PHKA2: variants seen among roughly 807,000 people sequenced by gnomAD.
The protein encoded by PHKA2 is phosphorylase b kinase regulatory subunit alpha, liver isoform.
PHKA2 carries 31 observed loss-of-function variants against 102.0 expected under a neutral mutation model. The observed-to-expected ratio is 0.30, with a 90% CI of 0.23 to 0.41. The LOEUF is 0.41. Ranked by LOEUF, PHKA2 falls within the 10% of genes least tolerant of loss-of-function variation. The pLI is 1.00. For missense variants in PHKA2, 858 were observed against 1,023.1 expected (o/e 0.84, Z 2.20); for synonymous variants, 455 against 416.2 (o/e 1.09, Z -1.13).
chrX:18,966,094 T>G (rs2148019851), intron 1 of PHKA2, among the ~76,000 whole-genome samples: 1 of 101,532 alleles, frequency 9.8e-6, no homozygotes, highest in African/African-American at 3.7e-5. Flanking sequence ...TTTTTTTTGT[T>G]TTTTTTTTTT....
chrX:18,919,747 AG>A (rs1439433771), intron 18 of PHKA2, among the ~76,000 whole-genome samples: 7 of 95,497 alleles, frequency 7.3e-5, no homozygotes, highest in Non-Finnish European at 1.0e-4. Context: ...AAAAAAAAAA[AG>A]AGAGAGAGAG....
At chrX:18,894,840 G>C (rs2047505371) in intron 31 of PHKA2, 4 of 415,081 alleles carry the variant, frequency 9.6e-6, no homozygotes, top group Non-Finnish European at 1.3e-5. Flanking sequence ...GGGCAGGCCA[G>C]GGTGGCATGG....
At chrX:18,949,633 A>G (rs1207206114) in intron 4 of PHKA2, among the ~76,000 whole-genome samples, 1 of 112,475 alleles carries the variant, frequency 8.9e-6, no homozygotes, top group African/African-American at 3.2e-5. Flanking sequence ...AGAGCTTGTT[A>G]TATCACGGGA....
intron 4 of PHKA2, 120 bp downstream of exon 4, chrX:18,950,984 T>C (rs1324755523): frequency 4.3e-6 from 3 of 701,653 alleles, no homozygotes; most frequent in African/African-American, 4.2e-5. Flanking sequence ...TTGTCTGAGG[T>C]ATTTTATTAA....
intron 1 of PHKA2, among the ~76,000 whole-genome samples, chrX:18,961,612 G>A (rs895125858): frequency 2.0e-5 from 2 of 100,825 alleles, no homozygotes; most frequent in African/African-American, 3.7e-5. Context: ...GAGCTGAGAC[G>A]GTGCCACACT....
intron 4 of PHKA2, 41 bp downstream of exon 4, chrX:18,951,063 T>C: frequency 8.4e-7 from 1 of 1,191,993 alleles, no homozygotes; most frequent in Non-Finnish European, 1.1e-6. Context: ...TTTTCCGGAT[T>C]GTCACTCCTT....
At chrX:18,934,023 C>A (rs1465019876) in intron 11 of PHKA2, among the ~76,000 whole-genome samples, 1 of 111,893 alleles carries the variant, frequency 8.9e-6, no homozygotes, top group Admixed American at 9.5e-5. Context: ...AAGTAAAATA[C>A]CCCTGAAGGC....
chrX:18,933,871 TCA>T (rs980312888), intron 11 of PHKA2, among the ~76,000 whole-genome samples: 1 of 111,829 alleles, frequency 8.9e-6, no homozygotes, highest in Non-Finnish European at 1.9e-5. Context: ...AGACAGAAAG[TCA>T]CAGAGTAATT....
chrX:18,981,691 A>T (rs1279700552), intron 1 of PHKA2, among the ~76,000 whole-genome samples: 1 of 111,287 alleles, frequency 9.0e-6, no homozygotes, highest in Non-Finnish European at 1.9e-5. Flanking sequence ...GACCTTCAGG[A>T]AAGGGCGCAC....
At chrX:18,954,020 A>G (rs2048738030) in intron 2 of PHKA2, among the ~76,000 whole-genome samples, 1 of 111,241 alleles carries the variant, frequency 9.0e-6, no homozygotes, top group Non-Finnish European at 1.9e-5. Context: ...TTCATTTTCT[A>G]TTTGGTGTGA....
intron 6 of PHKA2, 44 bp downstream of exon 6, chrX:18,945,034 C>T (rs1411100507): frequency 2.4e-6 from 2 of 817,786 alleles, no homozygotes; most frequent in Admixed American, 4.4e-5. Flanking sequence ...CAAATCAAAG[C>T]AGTAAAAACA....
chrX:18,967,989 T>C (rs2048967823), intron 1 of PHKA2, among the ~76,000 whole-genome samples: 1 of 111,656 alleles, frequency 9.0e-6, no homozygotes, highest in Non-Finnish European at 1.9e-5. Flanking sequence ...ATTTACCATA[T>C]TGGAAATTAA....
intron 1 of PHKA2, among the ~76,000 whole-genome samples, chrX:18,974,649 C>A (rs753009485): frequency 1.8e-5 from 2 of 111,799 alleles, no homozygotes; most frequent in South Asian, 7.5e-4. Context: ...GGGCCCTCCT[C>A]TTGGCTTGCA....
intron 9 of PHKA2, 109 bp from the exon 10 acceptor site, chrX:18,938,858 T>C (rs941314989): frequency 1.1e-5 from 8 of 710,243 alleles, no homozygotes; most frequent in South Asian, 4.7e-5. Context: ...AGCTTTGAAG[T>C]TGGCATGAGT....
At chrX:18,920,799 G>T (rs1034875509) in intron 17 of PHKA2, among the ~76,000 whole-genome samples, 64 of 111,887 alleles carry the variant, frequency 5.7e-4, no homozygotes, top group African/African-American at 2.1e-3. Flanking sequence ...GGCAGCCTGG[G>T]GCCTGAGGTT....
chrX:18,907,514 T>C (rs1412555905), intron 22 of PHKA2, among the ~76,000 whole-genome samples: 1 of 112,123 alleles, frequency 8.9e-6, no homozygotes, highest in Non-Finnish European at 1.9e-5. Flanking sequence ...CATCTTACCA[T>C]CATGACACTG....
rs149176629 is a variant in PHKA2 at position 18,920,162 on chromosome X, C to G, written c.1833G>C (p.Ser611=). Residue 611 remains serine, a synonymous_variant, in exon 18 of 33, where the codon TCG becomes TCC. Coordinates refer to ENST00000379942, the MANE Select transcript of PHKA2 (RefSeq NM_000292.3). ...CCAGAAAAGTCAGATATGTGTAGAA[C>G]GATGTGGTGAGAAATTCCGAAAGGT... ...LGNLSEFLTT[S]FYTYLTFLDP... is the part of the protein sequence containing the mutation. The G allele has an allele frequency of 9.1e-7, 1 of 1,098,617 alleles. No homozygotes were observed. Among genetic ancestry groups the G allele is most frequent in the Non-Finnish European group, 1.3e-6 (1 of 793,580 alleles). The allele number at this position is 1,098,617 out of a possible 1,213,427, so 90.5% of individuals were successfully genotyped here.
Position 18,907,955 on chromosome X carries a change from C to A in PHKA2, c.2462G>T (p.Gly821Val), listed in dbSNP as rs373884791. The change falls in exon 22 of 33, where the codon GGT (glycine) becomes GTT (valine). Residue 821 changes from glycine (G) to valine (V), a missense_variant. By Grantham distance (109) the Gly-to-Val change is moderately radical. Coordinates refer to ENST00000379942, the MANE Select transcript of PHKA2 (RefSeq NM_000292.3). ...YGKAGLNQEWGLIRYISGLLR... is the reference protein window; with the variant it reads ...YGKAGLNQEWVLIRYISGLLR... Reference sequence around the variant, plus strand: ...AAGGCCTGAGATGTAGCGAATCAGACCCCACTCCTGGTTCAAGCCGGCTTT... The same window carrying A: ...AAGGCCTGAGATGTAGCGAATCAGAACCCACTCCTGGTTCAAGCCGGCTTT... 10 of 1,211,321 alleles carry A rather than the reference C, an allele frequency of 8.3e-6. No individual in the cohort carries two copies. Among genetic ancestry groups the A allele is most frequent in the Middle Eastern group, 2.3e-4 (1 of 4,352 alleles).
chrX:18,900,686 A>T lies in PHKA2; in HGVS notation c.3041T>A (p.Phe1014Tyr), dbSNP rs1392946799. The T allele has an allele frequency of 8.3e-7, 1 of 1,207,076 alleles. No individual in the cohort carries two copies. Among genetic ancestry groups the T allele is most frequent in the Non-Finnish European group, 1.1e-6 (1 of 892,758 alleles). Residue 1014 changes from phenylalanine to tyrosine, a missense_variant, in exon 28 of 33, where the codon TTT becomes TAT. Phe to Tyr is a conservative substitution (Grantham distance 22, BLOSUM62 3). Around this residue, in one of 2 missense-constraint regions of PHKA2, gnomAD observed 671 missense variants for 745.2 expected, o/e 0.90. Coordinates refer to ENST00000379942, the MANE Select transcript of PHKA2 (RefSeq NM_000292.3). ...GGGTGTCACCTGTTCATCAGCACTA[A>T]ACCGCCTAGTCATCTGAAAGCAAAA... is the stretch of plus-strand genomic sequence containing the variant. ...RSEMKQMTRR[F>Y]SADEQFFSVG...
Sources: allele counts gnomAD v4.1 joint callset (sites outside exome capture counted in the v4.1 genomes callset), GRCh38; gene constraint gnomAD v4.1.1; regional missense constraint gnomAD v4.1.1; transcripts MANE v1.5; gene names NCBI Gene and HGNC (gene_info 2026-07-23, HGNC 2026-07-21).